The following CDC73 variants were observed in gnomAD, a reference collection of about 807,000 sequenced individuals.
CDC73 encodes the protein cell division cycle 73.
In CDC73, 21 loss-of-function variants were observed where a neutral mutation model predicts 83.7. That is an observed-to-expected ratio of 0.25 (90% CI 0.18 to 0.36). The LOEUF (loss-of-function observed/expected upper bound fraction) is 0.36, where lower values mean the gene tolerates loss of function less well. Ranked by LOEUF, CDC73 falls within the 10% of genes least tolerant of loss-of-function variation. The pLI is 1.00. For missense variants in CDC73, 342 were observed against 653.3 expected, an observed-to-expected ratio of 0.52 and a Z score of 5.19; for synonymous variants, 224 against 212.9, an observed-to-expected ratio of 1.05 and a Z score of -0.45.
At position 193,130,118 on chromosome 1, in the gene CDC73, T is replaced by A. The variant is rs191787688; in HGVS notation, c.238-56T>A. On this transcript the variant is annotated intron_variant, in intron 2 of 16. Transcript: ENST00000367435. ...TTCAGACATTACATGTTAATATTTA[T>A]TAAGTTGTGTATCATTGTTATTCAT... 1.4e-4 allele frequency: 116 copies of A among 815,392 alleles called. 1 individual carries two copies. The highest frequency in any genetic ancestry group is 2.3e-4 in the Non-Finnish European group (104 of 455,814). 50.5% of individuals were successfully genotyped at this position (815,392 alleles called of 1,614,324 possible).
chr1:193,182,476 G>T (rs1023622196), intron 10 of CDC73, among the ~76,000 whole-genome samples: 1 of 152,112 alleles, frequency 6.6e-6, no homozygotes, highest in Non-Finnish European at 1.5e-5. Flanking sequence ...GAGTCTCCAT[G>T]TTAGAATTAA....
chr1:193,166,440 C>G (rs552774423), intron 10 of CDC73, among the ~76,000 whole-genome samples: 1 of 152,226 alleles, frequency 6.6e-6, no homozygotes, highest in East Asian at 1.9e-4. Context: ...TGCGCCCAGC[C>G]TTAAGTGTGT....
At chr1:193,230,862 A>G (rs1011854140) in intron 13 of CDC73, among the ~76,000 whole-genome samples, 5 of 152,168 alleles carry the variant, frequency 3.3e-5, no homozygotes, top group African/African-American at 4.8e-5. Context: ...ATGTTTTCAA[A>G]TGAGATCCTT....
intron 10 of CDC73, among the ~76,000 whole-genome samples, chr1:193,162,250 AAATATAG>A (rs1558293571): frequency 9.5e-4 from 115 of 121,604 alleles, no homozygotes; most frequent in South Asian, 2.3e-3. Flanking sequence ...AATATATAAT[AAATATAG>A]TATATATAAT....
intron 3 of CDC73, among the ~76,000 whole-genome samples, chr1:193,130,544 T>C (rs528301896): frequency 6.6e-6 from 1 of 152,248 alleles, no homozygotes; most frequent in African/African-American, 2.4e-5. Context: ...CATTCCCTTT[T>C]AGAATACCTA....
intron 10 of CDC73, chr1:193,180,482 C>T (rs1321060100): frequency 6.2e-7 from 1 of 1,614,018 alleles, no homozygotes; most frequent in Non-Finnish European, 8.5e-7. Flanking sequence ...AACACAAACT[C>T]ATTGGGAGGG....
chr1:193,229,678 C>G (rs1677625569), intron 13 of CDC73, among the ~76,000 whole-genome samples: 2 of 152,200 alleles, frequency 1.3e-5, no homozygotes, highest in Admixed American at 6.5e-5. Context: ...GAAATGTCCA[C>G]TAGCAGGAGA....
chr1:193,244,276 A>G (rs1677913169), intron 15 of CDC73, among the ~76,000 whole-genome samples: 1 of 152,232 alleles, frequency 6.6e-6, no homozygotes, highest in African/African-American at 2.4e-5. Context: ...CTGCCGAACA[A>G]TCCAGAGTTG....
chr1:193,200,469 T>C (rs1316623757), intron 10 of CDC73, among the ~76,000 whole-genome samples: 7 of 152,250 alleles, frequency 4.6e-5, no homozygotes, highest in Non-Finnish European at 1.0e-4. Context: ...TTTGTATTTT[T>C]ATTCTTCGCA....
intron 13 of CDC73, among the ~76,000 whole-genome samples, chr1:193,215,993 C>G (rs1321534331): frequency 6.6e-6 from 1 of 152,136 alleles, no homozygotes; most frequent in African/African-American, 2.4e-5. Context: ...TGCTAAATGC[C>G]TATATCACGA....
intron 10 of CDC73, among the ~76,000 whole-genome samples, chr1:193,200,321 A>T (rs992018486): frequency 6.6e-5 from 10 of 152,090 alleles, no homozygotes; most frequent in African/African-American, 2.4e-4. Context: ...TTTTTTTCTG[A>T]TGGTATTATA....
intron 11 of CDC73, among the ~76,000 whole-genome samples, chr1:193,204,218 T>C (rs368050281): frequency 0.71 from 101,552 of 142,918 alleles, 36,299 homozygotes; most frequent in South Asian, 0.79. Context: ...TATATATATG[T>C]ATATATATGT....
intron 15 of CDC73, among the ~76,000 whole-genome samples, chr1:193,246,872 AT>A (rs1411942590): frequency 6.6e-6 from 1 of 152,056 alleles, no homozygotes; most frequent in Non-Finnish European, 1.5e-5. Context: ...TCCCTACATT[AT>A]TTTGCACGAT....
chr1:193,197,831 C>G (rs1474250352), intron 10 of CDC73, among the ~76,000 whole-genome samples: 2 of 148,772 alleles, frequency 1.3e-5, no homozygotes, highest in Non-Finnish European at 3.0e-5. Context: ...GAGGCTGAGG[C>G]ACAAGAATCG....
At position 193,147,955 on chromosome 1, in the gene CDC73, C is replaced by G; in HGVS notation, c.818C>G (p.Ala273Gly). 1 of 1,609,114 alleles carries G rather than the reference C, an allele frequency of 6.2e-7. No individual in the cohort carries two copies. The highest frequency in any genetic ancestry group is 8.5e-7 in the Non-Finnish European group (1 of 1,175,446). ...RAPEQRPAPNAAPVDPTLRTK... is the reference protein window; with the variant it reads ...RAPEQRPAPNGAPVDPTLRTK... Reference sequence around the variant, plus strand: ...CCTGAACAGCGACCTGCCCCAAATGCAGCACCTGTGGTAAGAATGCTTTAC... The same window carrying G: ...CCTGAACAGCGACCTGCCCCAAATGGAGCACCTGTGGTAAGAATGCTTTAC... Residue 273 changes from alanine to glycine, a missense_variant, in exon 8 of 17, where the codon GCA (alanine) becomes GGA (glycine). Physicochemically the swap from Ala to Gly is moderately conservative, Grantham distance 60. Transcript: ENST00000367435.
intron 11 of CDC73, among the ~76,000 whole-genome samples, chr1:193,206,621 G>T (rs1417657913): frequency 6.6e-6 from 1 of 152,122 alleles, no homozygotes; most frequent in Non-Finnish European, 1.5e-5. Context: ...TGAAAAATGT[G>T]AATGCCCAAA....
At chr1:193,129,172 A>G (rs1675644954) in intron 2 of CDC73, among the ~76,000 whole-genome samples, 1 of 151,472 alleles carries the variant, frequency 6.6e-6, no homozygotes, top group Admixed American at 6.6e-5. Flanking sequence ...TAATTTTTGT[A>G]GTTTTAGTAG....
chr1:193,169,266 T>C (rs1407868859), intron 10 of CDC73, among the ~76,000 whole-genome samples: 2 of 152,126 alleles, frequency 1.3e-5, no homozygotes, highest in Admixed American at 6.6e-5. Flanking sequence ...AGAATGATGC[T>C]GGGTATGGTG....
intron 5 of CDC73, among the ~76,000 whole-genome samples, chr1:193,135,865 G>C (rs1572150896): frequency 7.1e-6 from 1 of 140,350 alleles, no homozygotes; most frequent in Non-Finnish European, 1.6e-5. Context: ...TTTCCTTTCT[G>C]TTCTTTTTTT....
Sources: allele counts gnomAD v4.1 joint callset (sites outside exome capture counted in the v4.1 genomes callset), GRCh38; gene constraint gnomAD v4.1.1; transcripts MANE v1.5; gene names NCBI Gene and HGNC (gene_info 2026-07-23, HGNC 2026-07-21).